NUP54: variants seen among roughly 807,000 people sequenced by gnomAD.
NUP54 encodes nucleoporin 54.
Under a neutral mutation model 66.4 loss-of-function variants are expected in NUP54, and 27 were observed. The ratio of observed to expected loss-of-function variants is 0.41; its 90% CI spans 0.30 to 0.56. The LOEUF is 0.56. NUP54 is among the 20% of genes least tolerant of loss of function. NUP54 has a pLI of 0.34. For synonymous variants in NUP54, 206 were observed against 210.7 expected (o/e 0.98, Z 0.19); for missense variants, 486 against 596.3 (o/e 0.82, Z 1.93).
chr4:76,136,423 A>T lies in NUP54; in HGVS notation c.296-11T>A. On this transcript the variant is annotated splice_polypyrimidine_tract_variant and intron_variant, in intron 3 of 11. Coordinates refer to ENST00000264883, the MANE Select transcript of NUP54 (RefSeq NM_017426.4). ...AGAGACCACCTAATGCTAAAAATGT[A>T]CCCAAAATTAGTATTTAAAAACAAA... 1 of 1,598,034 alleles carries T rather than the reference A, an allele frequency of 6.3e-7. No individual in the cohort carries two copies. Among genetic ancestry groups the T allele is most frequent in the Non-Finnish European group, 8.6e-7 (1 of 1,169,248 alleles).
At chr4:76,146,494 G>A (rs1290167365) in intron 1 of NUP54, among the ~76,000 whole-genome samples, 1 of 152,188 alleles carries the variant, frequency 6.6e-6, no homozygotes, top group South Asian at 2.1e-4. Context: ...TCTTCGAACT[G>A]TTTTCAACTC....
chr4:76,144,570 C>T (rs576015703), intron 1 of NUP54, 97 bp from the exon 2 acceptor site: 1 of 874,250 alleles, frequency 1.1e-6, no homozygotes, highest in Non-Finnish European at 1.7e-6. Context: ...CATATAAAAT[C>T]AAAATATATT....
At chr4:76,125,861 G>GGGGGGA (rs1578674523) in intron 8 of NUP54, among the ~76,000 whole-genome samples, 1 of 42,596 alleles carries the variant, frequency 2.3e-5, no homozygotes, top group Non-Finnish European at 4.0e-5. Context: ...AGGGGGAGGG[G>GGGGGGA]GAGGGAGAGA....
At chr4:76,135,220 GT>G (rs564591069) in intron 4 of NUP54, among the ~76,000 whole-genome samples, 1 of 151,948 alleles carries the variant, frequency 6.6e-6, no homozygotes, top group Admixed American at 6.6e-5. Context: ...CAGGGTTGTT[GT>G]TTTTTTACAT....
rs747196062 is a variant in NUP54, at chr4:76,117,713, G to C, written c.1346C>G (p.Ser449Cys). 1.5e-5 allele frequency: 25 copies of C among 1,613,800 alleles called. No individual in the cohort carries two copies. Among genetic ancestry groups the C allele is most frequent in the Non-Finnish European group, 1.9e-5 (23 of 1,179,880 alleles). ...TGCATCTATGTAATACCTTTCTTCAGATCTGACTGCTCCAAAATGATTCTG... is the reference window on the plus strand; with the variant it reads ...TGCATCTATGTAATACCTTTCTTCACATCTGACTGCTCCAAAATGATTCTG... ...RMQNHFGAVRSEERYYIDADL... is the reference protein window; with the variant it reads ...RMQNHFGAVRCEERYYIDADL... The change falls in exon 11 of 12, where the codon TCT becomes TGT. Residue 449 changes from serine (S) to cysteine (C), a missense_variant. Transcript: ENST00000264883.
chr4:76,124,575 A>T (rs7692789), intron 9 of NUP54, 74 bp downstream of exon 9: 80,382 of 517,136 alleles, frequency 0.16, 7,398 homozygotes, highest in East Asian at 0.35. Flanking sequence ...TTTCTATTTT[A>T]AAAATCTATA....
chr4:76,117,836 T>C, intron 10 of NUP54, 62 bp from the exon 11 acceptor site: 1 of 1,359,542 alleles, frequency 7.4e-7, no homozygotes, highest in Non-Finnish European at 1.0e-6. Flanking sequence ...GACAATGTTT[T>C]CTTCTGAAAG....
At chr4:76,119,193 C>T (rs765128021) in intron 9 of NUP54, among the ~76,000 whole-genome samples, 8 of 151,986 alleles carry the variant, frequency 5.3e-5, no homozygotes, top group Non-Finnish European at 1.2e-4. Flanking sequence ...GCAAAATGTA[C>T]TTGTTAAGAA....
chr4:76,130,693 T>G lies in NUP54; in HGVS notation c.1019A>C (p.Gln340Pro). Residue 340 changes from glutamine to proline, a missense_variant, in exon 8 of 12, where the codon CAA (glutamine) becomes CCA (proline). Transcript: ENST00000264883. ...FKELLRRLKV[Q>P]DQMTKQHQTR... ...TTGATGCTGCTTAGTCATCTGATCT[T>G]GAACCTTCAGTCTTCGGAGAAGTTC... The G allele has an allele frequency of 6.2e-7, 1 of 1,613,844 alleles. No homozygotes were observed. Among genetic ancestry groups the G allele is most frequent in the Non-Finnish European group, 8.5e-7 (1 of 1,179,816 alleles).
At chr4:76,144,826 C>T (rs1309243489) in intron 1 of NUP54, among the ~76,000 whole-genome samples, 1 of 152,050 alleles carries the variant, frequency 6.6e-6, no homozygotes, top group Non-Finnish European at 1.5e-5. Context: ...ATTCATATGC[C>T]TAGAAGATTT....
At chr4:76,125,335 C>CGT (rs1730428531) in intron 8 of NUP54, among the ~76,000 whole-genome samples, 1 of 147,832 alleles carries the variant, frequency 6.8e-6, no homozygotes, top group African/African-American at 2.5e-5. Context: ...CACACACACA[C>CGT]ACACACACAC....
At chr4:76,125,184 G>T (rs1338350077) in intron 8 of NUP54, among the ~76,000 whole-genome samples, 3 of 152,048 alleles carry the variant, frequency 2.0e-5, no homozygotes, top group African/African-American at 7.2e-5. Context: ...CCAGCTACTT[G>T]GAAGGCTGAT....
At chr4:76,116,765 T>G (rs1374637619) in intron 11 of NUP54, among the ~76,000 whole-genome samples, 1 of 152,202 alleles carries the variant, frequency 6.6e-6, no homozygotes, top group Non-Finnish European at 1.5e-5. Context: ...TGAGTACGTC[T>G]GGAGTAAGGA....
At chr4:76,130,131 C>T (rs895520061) in intron 8 of NUP54, among the ~76,000 whole-genome samples, 4 of 151,416 alleles carry the variant, frequency 2.6e-5, no homozygotes, top group African/African-American at 9.7e-5. Flanking sequence ...CAGGCGTGCA[C>T]CACGACACCC....
At chr4:76,118,768 GA>G (rs1730082840) in intron 9 of NUP54, among the ~76,000 whole-genome samples, 1 of 151,750 alleles carries the variant, frequency 6.6e-6, no homozygotes, top group Non-Finnish European at 1.5e-5. Context: ...ACTTTGGGAG[GA>G]CAAGGCGGGT....
At position 76,132,537 on chromosome 4, in the gene NUP54, T is replaced by A. The variant is rs1730848899; in HGVS notation, c.893A>T (p.Gln298Leu). The stretch of plus-strand genomic sequence containing the variant: ...TAGAAACATACCAGCAGGAGGATTC[T>A]GTAAAAGCTGTTTGATCTGTGCAGG... ...LSPAQIKQLL[Q>L]NPPAGVDPII... The change falls in exon 6 of 12, where the codon CAG (glutamine) becomes CTG (leucine). Residue 298 changes from glutamine (Q) to leucine (L), a missense_variant. Gln to Leu is a moderately radical substitution (Grantham distance 113, BLOSUM62 -2). Coordinates refer to ENST00000264883, the MANE Select transcript of NUP54 (RefSeq NM_017426.4). 3 of 1,595,496 alleles carry A rather than the reference T, an allele frequency of 1.9e-6. No homozygotes were observed. In the East Asian group the frequency reaches 6.8e-5, roughly 36 times the overall value.
At chr4:76,123,411 C>T (rs1160304595) in intron 9 of NUP54, among the ~76,000 whole-genome samples, 3 of 152,002 alleles carry the variant, frequency 2.0e-5, no homozygotes, top group Non-Finnish European at 4.4e-5. Context: ...TTTCTTACTT[C>T]TCTGTAGATT....
chr4:76,131,329 T>C, intron 6 of NUP54, 45 bp from the exon 7 acceptor site: 1 of 1,203,622 alleles, frequency 8.3e-7, no homozygotes, highest in Non-Finnish European at 1.2e-6. Flanking sequence ...TTTTCTATTT[T>C]TATAATATGT....
rs1369760186 is a variant in NUP54, at chr4:76,114,743, T to A, written c.*623A>T. 6.8e-6 allele frequency: 1 copy of A among 147,284 alleles called. No homozygotes were observed. The highest frequency in any genetic ancestry group is 2.1e-4 in the South Asian group (1 of 4,696). The allele number at this position is 147,284 out of a possible 1,614,324, so 9.1% of individuals were successfully genotyped here. A position where few individuals can be genotyped will look rare whatever the true frequency, so the allele number is the denominator to read the frequency against. ...AAAAAGGCTTAAAAAACAAAATGGT[T>A]GCAAAAATGGTTAAGTAGTTTTGTT... On this transcript the variant is annotated 3_prime_UTR_variant, in exon 12 of 12. Transcript: ENST00000264883.
Sources: gnomAD v4.1 joint callset for allele counts (sites outside exome capture counted in the v4.1 genomes callset) on GRCh38, gnomAD v4.1.1 for gene constraint, MANE v1.5 for transcripts, NCBI Gene and HGNC (gene_info 2026-07-23, HGNC 2026-07-21) for gene names.